PRR5L: variants seen among roughly 807,000 people sequenced by gnomAD.
The protein encoded by PRR5L is proline rich 5 like, also known as proline-rich protein 5-like.
PRR5L carries 21 observed loss-of-function variants against 36.4 expected under a neutral mutation model. The observed-to-expected ratio is 0.58, with a 90% confidence interval of 0.41 to 0.83. PRR5L has a LOEUF of 0.83. PRR5L is among the 40% of genes least tolerant of loss of function. The pLI is 0.00. For synonymous variants in PRR5L, 188 were observed against 197.0 expected (o/e 0.95, Z 0.38); for missense variants, 381 against 473.3 (o/e 0.80, Z 1.81).
chr11:36,322,821 A>G (rs1481129995), intron 1 of PRR5L, among the ~76,000 whole-genome samples: 1 of 152,184 alleles, frequency 6.6e-6, no homozygotes, highest in East Asian at 1.9e-4. Flanking sequence ...TTGGGTCTTA[A>G]TCCAATATGA....
In PRR5L at chr11:36,344,008, G is replaced by A. The variant is rs1856842308; in HGVS notation, c.-126+47570G>A. 6.6e-6 allele frequency among the ~76,000 whole-genome samples: 1 copy of A among 152,022 alleles called. No individual in the cohort carries two copies. Among genetic ancestry groups the A allele is most frequent in the African/African-American group, 2.4e-5 (1 of 41,390 alleles). ...GAGGCGGGTGGATCACCTGAAGTCAGGAGTTCGGGACCAGCCTGGCCAACA... is the reference window on the plus strand; with the variant it reads ...GAGGCGGGTGGATCACCTGAAGTCAAGAGTTCGGGACCAGCCTGGCCAACA... On this transcript the variant is annotated intron_variant, in intron 1 of 8. Coordinates refer to ENST00000530639, the MANE Select transcript of PRR5L (RefSeq NM_001160167.2). The surrounding 1 kb of genome is among the most constrained non-coding windows in gnomAD (Gnocchi z 4.1).
At chr11:36,423,299 C>T (rs1331561082) in intron 4 of PRR5L, among the ~76,000 whole-genome samples, 1 of 152,160 alleles carries the variant, frequency 6.6e-6, no homozygotes, top group Non-Finnish European at 1.5e-5. Context: ...CCATTTGCTG[C>T]TCATATCTGC....
intron 1 of PRR5L, among the ~76,000 whole-genome samples, chr11:36,330,042 T>A (rs1472519829): frequency 6.6e-6 from 1 of 152,244 alleles, no homozygotes; most frequent in Non-Finnish European, 1.5e-5. Flanking sequence ...ATATAACCTA[T>A]GTTTCCAATT....
intron 8 of PRR5L, among the ~76,000 whole-genome samples, chr11:36,457,588 A>T (rs1859088677): frequency 6.7e-6 from 1 of 148,636 alleles, no homozygotes; most frequent in Admixed American, 6.8e-5. Flanking sequence ...CCTGGGCAAC[A>T]GAGTGAGACT....
chr11:36,348,454 G>C (rs1445308136), intron 1 of PRR5L, among the ~76,000 whole-genome samples: 1 of 152,046 alleles, frequency 6.6e-6, no homozygotes, highest in East Asian at 1.9e-4. Context: ...TCCCACTCCT[G>C]CTTTAACTAA....
chr11:36,313,606 C>G (rs1013001612), intron 1 of PRR5L, among the ~76,000 whole-genome samples: 2 of 152,158 alleles, frequency 1.3e-5, no homozygotes, highest in Non-Finnish European at 2.9e-5. Flanking sequence ...GGACCTGGGA[C>G]TGGACATCTG....
chr11:36,436,550 G>A (rs1274141076), intron 5 of PRR5L, among the ~76,000 whole-genome samples: 1 of 152,240 alleles, frequency 6.6e-6, no homozygotes, highest in East Asian at 1.9e-4. Flanking sequence ...GGCCTTTTCA[G>A]AGAATGCTGC....
chr11:36,404,407 A>G (rs1857867679), intron 3 of PRR5L, among the ~76,000 whole-genome samples: 1 of 151,614 alleles, frequency 6.6e-6, no homozygotes, highest in Admixed American at 6.6e-5. Flanking sequence ...AGCTGGGATC[A>G]CAGGTGCCCA....
chr11:36,393,717 T>C (rs527297974), intron 1 of PRR5L: 1 of 152,358 alleles, frequency 6.6e-6, no homozygotes, highest in South Asian at 2.1e-4. Context: ...GTGAAGAATG[T>C]CATTAGTATT....
intron 1 of PRR5L, among the ~76,000 whole-genome samples, chr11:36,327,988 T>C (rs1856681958): frequency 6.6e-6 from 1 of 152,220 alleles, no homozygotes; most frequent in South Asian, 2.1e-4. Context: ...TCAGGACCTC[T>C]TGGGGTTGTC....
chr11:36,427,234 C>T (rs1391468194), intron 4 of PRR5L, among the ~76,000 whole-genome samples: 6 of 152,162 alleles, frequency 3.9e-5, no homozygotes, highest in Non-Finnish European at 5.9e-5. Flanking sequence ...CTTCCATCTC[C>T]TTTGCCACTT....
intron 4 of PRR5L, 36 bp downstream of exon 4, chr11:36,419,339 T>C (rs1858215328): frequency 6.3e-7 from 1 of 1,586,968 alleles, no homozygotes; most frequent in Non-Finnish European, 8.7e-7. Context: ...ATCATTATCA[T>C]GCATGTGGGG....
At chr11:36,321,127 T>G (rs1051850805) in intron 1 of PRR5L, 4 of 152,258 alleles carry the variant, frequency 2.6e-5, no homozygotes, top group African/African-American at 9.6e-5. Flanking sequence ...CTAACCATTA[T>G]AGTAGGATGC....
intron 1 of PRR5L, among the ~76,000 whole-genome samples, chr11:36,299,069 A>G (rs1856345434): frequency 6.6e-6 from 1 of 151,970 alleles, no homozygotes; most frequent in Non-Finnish European, 1.5e-5. Context: ...AGTTGAGGCC[A>G]CAACAAGTGC....
chr11:36,361,038 CA>C (rs1857081175), intron 1 of PRR5L, among the ~76,000 whole-genome samples: 1 of 152,210 alleles, frequency 6.6e-6, no homozygotes, highest in Non-Finnish European at 1.5e-5. Flanking sequence ...GGACAAGAAA[CA>C]GCACTTTCAC....
At chr11:36,333,738 T>C (rs1198509839) in intron 1 of PRR5L, among the ~76,000 whole-genome samples, 1 of 152,108 alleles carries the variant, frequency 6.6e-6, no homozygotes, top group African/African-American at 2.4e-5. Flanking sequence ...TGGGGATGAA[T>C]TGCAAAAGGG....
chr11:36,432,279 G>A (rs540083550), intron 5 of PRR5L, among the ~76,000 whole-genome samples: 2 of 152,048 alleles, frequency 1.3e-5, no homozygotes, highest in East Asian at 1.9e-4. Context: ...GGTCTGTCCC[G>A]AGCTATTTCC....
intron 1 of PRR5L, among the ~76,000 whole-genome samples, chr11:36,363,498 C>A (rs1339077292): frequency 1.3e-5 from 2 of 152,162 alleles, no homozygotes; most frequent in African/African-American, 4.8e-5. Context: ...CTTAGAAGCT[C>A]TTTTGCCCCT....
chr11:36,401,271 C>T lies in PRR5L; in HGVS notation c.150C>T (p.Ser50=). The T allele has an allele frequency of 6.2e-7, 1 of 1,611,774 alleles. No individual in the cohort carries two copies. Among genetic ancestry groups the T allele is most frequent in the Non-Finnish European group, 8.5e-7 (1 of 1,179,994 alleles). The change falls in exon 2 of 9, where the codon AGC becomes AGT. Residue 50 remains serine (S), a synonymous_variant. Coordinates refer to ENST00000530639, the MANE Select transcript of PRR5L (RefSeq NM_001160167.2). The part of the protein sequence containing the change: ...AARQALQLSS[S]SAWNSVQTAV... ...GGCAGGCTCTGCAGCTGAGCTCCAG[C>T]TCAGCCTGGAACAGGTGAAGGAGGC...
Sources: gnomAD v4.1 joint callset for allele counts (sites outside exome capture counted in the v4.1 genomes callset) on GRCh38, gnomAD v4.1.1 for gene constraint, Gnocchi (gnomAD v3.1) non-coding constraint, MANE v1.5 for transcripts, NCBI Gene and HGNC (gene_info 2026-07-23, HGNC 2026-07-21) for gene names.